Variants in GALNT13 observed in about 807,000 individuals in gnomAD.
GALNT13 encodes polypeptide N-acetylgalactosaminyltransferase 13, also known as UDP-GalNAc:polypeptide N-acetylgalactosaminyltransferase 13.
A neutral mutation model predicts 64.2 loss-of-function variants in GALNT13; 28 were observed. The ratio of observed to expected loss-of-function variants is 0.44; its 90% CI spans 0.32 to 0.60. The LOEUF is 0.60. Among genes scored for constraint, GALNT13 ranks in the 20% least tolerant of loss-of-function variants. GALNT13 has a pLI of 0.05. For missense variants in GALNT13, 577 were observed against 669.8 expected, an observed-to-expected ratio of 0.86 and a Z score of 1.53; for synonymous variants, 214 against 224.6, an observed-to-expected ratio of 0.95 and a Z score of 0.42.
intron 2 of GALNT13, among the ~76,000 whole-genome samples, chr2:153,919,577 T>A (rs2105333432): frequency 6.6e-6 from 1 of 152,080 alleles, no homozygotes; most frequent in East Asian, 1.9e-4. Context: ...AGGCAAGGTG[T>A]CTCAAGCACC....
chr2:153,947,917 G>C (rs192477010), intron 3 of GALNT13, among the ~76,000 whole-genome samples: 2 of 152,194 alleles, frequency 1.3e-5, no homozygotes, highest in East Asian at 3.9e-4. Flanking sequence ...AGTTCTCCTA[G>C]CACCATTTAT....
intron 8 of GALNT13, among the ~76,000 whole-genome samples, chr2:154,291,718 G>A (rs557177761): frequency 1.2e-3 from 189 of 152,316 alleles, no homozygotes; most frequent in African/African-American, 4.1e-3. Flanking sequence ...GCTGGCTCCC[G>A]CCTTGGCCAG....
the GALNT13 span, among the ~76,000 whole-genome samples, chr2:153,142,620 A>AAG: frequency 0.085 from 12,913 of 151,400 alleles, 643 homozygotes; most frequent in Non-Finnish European, 0.11. Context: ...GAGCAAGAGC[A>AAG]AGAGAGAGAG....
At chr2:154,147,083 G>C (rs1293491612) in intron 4 of GALNT13, among the ~76,000 whole-genome samples, 1 of 151,868 alleles carries the variant, frequency 6.6e-6, no homozygotes, top group Non-Finnish European at 1.5e-5. Context: ...TCTCTTCCCT[G>C]TAAGTGAATT....
At chr2:153,507,502 A>C in the GALNT13 span, among the ~76,000 whole-genome samples, 5 of 152,186 alleles carry the variant, frequency 3.3e-5, no homozygotes, top group East Asian at 5.8e-4. Flanking sequence ...GATGGTCTCT[A>C]TCTCCTGATC....
the GALNT13 span, among the ~76,000 whole-genome samples, chr2:153,597,740 A>G: frequency 1.3e-5 from 2 of 152,228 alleles, no homozygotes; most frequent in Non-Finnish European, 2.9e-5. Context: ...AGCACCTTGT[A>G]TCCAGGATAT....
At chr2:153,795,946 C>T in the GALNT13 span, among the ~76,000 whole-genome samples, 47 of 152,304 alleles carry the variant, frequency 3.1e-4, no homozygotes, top group Non-Finnish European at 5.3e-4. Context: ...TTAGTACATG[C>T]TCTTTCCTCT....
intron 3 of GALNT13, among the ~76,000 whole-genome samples, chr2:153,953,694 C>T (rs1397268421): frequency 1.3e-5 from 2 of 152,158 alleles, no homozygotes; most frequent in Non-Finnish European, 2.9e-5. Context: ...CTCCAGGTCT[C>T]CCTAGCCTGT....
chr2:154,025,646 A>T (rs1167925502), intron 3 of GALNT13, among the ~76,000 whole-genome samples: 1 of 152,188 alleles, frequency 6.6e-6, no homozygotes, highest in Non-Finnish European at 1.5e-5. Context: ...CATTAGTGCT[A>T]TGATTTTTTA....
chr2:153,202,261 CA>C, the GALNT13 span, among the ~76,000 whole-genome samples: 1 of 152,138 alleles, frequency 6.6e-6, no homozygotes, highest in Non-Finnish European at 1.5e-5. Flanking sequence ...TGTCTCCACC[CA>C]TTTCTTGATG....
At chr2:154,232,587 A>G (rs1298373246) in intron 4 of GALNT13, among the ~76,000 whole-genome samples, 1 of 152,202 alleles carries the variant, frequency 6.6e-6, no homozygotes, top group Non-Finnish European at 1.5e-5. Flanking sequence ...CATTGTTATC[A>G]GAAACACTAT....
At chr2:154,414,009 AATTT>A (rs1366967183) in intron 11 of GALNT13, among the ~76,000 whole-genome samples, 3 of 152,014 alleles carry the variant, frequency 2.0e-5, no homozygotes, top group Admixed American at 6.6e-5. Flanking sequence ...GATAAGCTAT[AATTT>A]ATTTATTCTT....
the GALNT13 span, among the ~76,000 whole-genome samples, chr2:153,360,244 G>A: frequency 1.3e-5 from 2 of 152,200 alleles, no homozygotes; most frequent in African/African-American, 2.4e-5. Flanking sequence ...GTGCTACCCA[G>A]CCTGGGAAGC....
intron 3 of GALNT13, among the ~76,000 whole-genome samples, chr2:153,967,907 A>G (rs2105116140): frequency 6.6e-6 from 1 of 152,206 alleles, no homozygotes; most frequent in South Asian, 2.1e-4. Context: ...GTCGGGAATT[A>G]GGCACTTCAG....
intron 8 of GALNT13, among the ~76,000 whole-genome samples, chr2:154,269,930 A>ATATATATATATAT (rs1553506263): frequency 4.2e-5 from 6 of 142,854 alleles, no homozygotes; most frequent in African/African-American, 1.0e-4. Flanking sequence ...ATATATTTCT[A>ATATATATATATAT]AAGCACAGGG....
chr2:153,654,121 T>C, the GALNT13 span, among the ~76,000 whole-genome samples: 1 of 152,122 alleles, frequency 6.6e-6, no homozygotes, highest in Non-Finnish European at 1.5e-5. Context: ...TAACCGTGAG[T>C]ATGAAATATG....
the GALNT13 span, among the ~76,000 whole-genome samples, chr2:153,403,000 C>T: frequency 0.013 from 2,012 of 151,604 alleles, 49 homozygotes; most frequent in East Asian, 0.068. Flanking sequence ...GGAGGAGAGG[C>T]ACTCTGCTTT....
the GALNT13 span, among the ~76,000 whole-genome samples, chr2:153,470,435 T>C: frequency 2.0e-5 from 3 of 152,172 alleles, no homozygotes; most frequent in East Asian, 1.9e-4. Context: ...TGACACAAGA[T>C]GCCAACTGGG....
chr2:154,088,532 A>C (rs1440704999), intron 3 of GALNT13, among the ~76,000 whole-genome samples: 1 of 151,920 alleles, frequency 6.6e-6, no homozygotes, highest in Admixed American at 6.6e-5. Flanking sequence ...GCTCACTGCA[A>C]CCTCCGCCTC....
Sources: allele counts gnomAD v4.1 joint callset (sites outside exome capture counted in the v4.1 genomes callset), GRCh38; gene constraint gnomAD v4.1.1; transcripts MANE v1.5; gene names NCBI Gene and HGNC (gene_info 2026-07-23, HGNC 2026-07-21).